The following OSBP variants were observed in gnomAD, a reference collection of about 807,000 sequenced individuals.
The protein encoded by OSBP is oxysterol binding protein.
OSBP carries 32 observed loss-of-function variants against 96.6 expected under a neutral mutation model. The ratio of observed to expected loss-of-function variants is 0.33; its 90% confidence interval spans 0.25 to 0.45. The LOEUF is 0.45. Among genes scored for constraint, OSBP ranks in the 20% least tolerant of loss-of-function variants. OSBP has a pLI of 1.00. For synonymous variants in OSBP, 369 were observed against 389.6 expected (o/e 0.95, Z 0.62); for missense variants, 653 against 1,029.7 (o/e 0.63, Z 5.01).
At chr11:59,590,116 G>A (rs1860559266) in intron 9 of OSBP, among the ~76,000 whole-genome samples, 2 of 152,208 alleles carry the variant, frequency 1.3e-5, no homozygotes, top group South Asian at 4.1e-4. Context: ...TTTATAGGGA[G>A]ACTCACTCAT....
chr11:59,610,960 C>G (rs943351379), intron 1 of OSBP, among the ~76,000 whole-genome samples: 3 of 151,588 alleles, frequency 2.0e-5, no homozygotes, highest in Non-Finnish European at 4.4e-5. Context: ...ATGGTGAAAC[C>G]CTGTTTCTAC....
At chr11:59,600,946 CA>C in intron 5 of OSBP, 73 bp from the exon 6 acceptor site, 1 of 1,311,524 alleles carries the variant, frequency 7.6e-7, no homozygotes, top group South Asian at 1.2e-5. Flanking sequence ...CATTTCTTTA[CA>C]AAGCAGAATG....
chr11:59,600,921 G>A (rs759169976), intron 5 of OSBP, 48 bp from the exon 6 acceptor site: 4 of 1,493,988 alleles, frequency 2.7e-6, no homozygotes, highest in Admixed American at 1.7e-5. Context: ...ACCAGAACTA[G>A]AGTGTGGTCC....
At chr11:59,595,358 C>T (rs1860635752) in intron 7 of OSBP, among the ~76,000 whole-genome samples, 1 of 151,796 alleles carries the variant, frequency 6.6e-6, no homozygotes, top group East Asian at 1.9e-4. Flanking sequence ...TGGTTCTGGC[C>T]TTAAGCAACG....
At chr11:59,600,412 T>C (rs1262560731) in intron 7 of OSBP, 84 bp downstream of exon 7, 16 of 1,401,484 alleles carry the variant, frequency 1.1e-5, no homozygotes, top group Non-Finnish European at 1.5e-5. Context: ...GCCGCACAAG[T>C]GGGTGGGGCT....
chr11:59,593,938 C>A (rs1860617047), intron 8 of OSBP, 72 bp downstream of exon 8: 2 of 1,569,652 alleles, frequency 1.3e-6, no homozygotes, highest in Non-Finnish European at 1.7e-6. Flanking sequence ...AAACATAAGA[C>A]CCAGGGGATT....
At chr11:59,585,771 G>T (rs1860492853) in intron 9 of OSBP, among the ~76,000 whole-genome samples, 1 of 152,284 alleles carries the variant, frequency 6.6e-6, no homozygotes, top group African/African-American at 2.4e-5. Context: ...TGGTTGCCGT[G>T]TCTGTGTAGA....
intron 7 of OSBP, among the ~76,000 whole-genome samples, chr11:59,596,811 G>A (rs7121463): frequency 0.014 from 2,121 of 152,198 alleles, 38 homozygotes; most frequent in Non-Finnish European, 0.016. Context: ...TAGAGGGAGA[G>A]ACTTCCCACG....
At chr11:59,609,558 C>T (rs1263709393) in intron 2 of OSBP, among the ~76,000 whole-genome samples, 2 of 151,112 alleles carry the variant, frequency 1.3e-5, no homozygotes, top group Non-Finnish European at 2.9e-5. Context: ...CAAAATATAA[C>T]TTACTACCAA....
intron 9 of OSBP, among the ~76,000 whole-genome samples, chr11:59,589,722 C>T (rs937439671): frequency 1.2e-4 from 19 of 152,066 alleles, no homozygotes; most frequent in Admixed American, 1.0e-3. Context: ...TGGTGGCTCA[C>T]GCCTGTAATC....
At chr11:59,577,837 C>A (rs1860378040) in intron 12 of OSBP, among the ~76,000 whole-genome samples, 1 of 152,206 alleles carries the variant, frequency 6.6e-6, no homozygotes, top group African/African-American at 2.4e-5. Flanking sequence ...TAGGCACCTT[C>A]CTCCTCTAGC....
chr11:59,615,248 C>A, intron 1 of OSBP, 55 bp downstream of exon 1: 2 of 1,443,258 alleles, frequency 1.4e-6, no homozygotes, highest in South Asian at 2.3e-5. Flanking sequence ...GGAGCTGGGA[C>A]TGTTGGCAGA....
chr11:59,579,599 T>C (rs115860613), intron 11 of OSBP, among the ~76,000 whole-genome samples: 2,338 of 152,056 alleles, frequency 0.015, 29 homozygotes, highest in African/African-American at 0.036. Context: ...GTGTTTCCCA[T>C]TGTCAATCTC....
In OSBP at chr11:59,575,821, AG is replaced by A. The variant is rs1860354965; in HGVS notation, c.*755del. On this transcript the variant is annotated 3_prime_UTR_variant, in exon 14 of 14. Transcript: ENST00000263847. ...TGTGTTCTCAGAAGCTCTCCGCCTG[AG>A]GAAGTCCATAAAACCCCTTTGTGAG... 6.6e-6 allele frequency: 1 copy of A among 152,184 alleles called. No homozygotes were observed. Among genetic ancestry groups the A allele is most frequent in the Non-Finnish European group, 1.5e-5 (1 of 68,042 alleles). 9.4% of individuals were successfully genotyped at this position (152,184 alleles called of 1,614,324 possible). A position where few individuals can be genotyped will look rare whatever the true frequency, so the allele number is the denominator to read the frequency against.
At chr11:59,578,808 G>A (rs1860387984) in intron 11 of OSBP, among the ~76,000 whole-genome samples, 2 of 151,988 alleles carry the variant, frequency 1.3e-5, no homozygotes, top group South Asian at 4.2e-4. Flanking sequence ...CCATGACTTG[G>A]GGATTTCATT....
intron 9 of OSBP, among the ~76,000 whole-genome samples, chr11:59,587,772 A>G (rs966523200): frequency 2.0e-5 from 3 of 152,254 alleles, no homozygotes; most frequent in African/African-American, 7.2e-5. Flanking sequence ...AGTTTGCTCA[A>G]AAAACTAAGA....
At chr11:59,610,917 T>A (rs184294311) in intron 1 of OSBP, among the ~76,000 whole-genome samples, 42 of 151,684 alleles carry the variant, frequency 2.8e-4, no homozygotes, top group Admixed American at 5.3e-4. Context: ...GCAGATCACC[T>A]GAGGTCAGGA....
At chr11:59,580,145 G>A (rs1860403997) in intron 11 of OSBP, 29 bp downstream of exon 11, 2 of 1,435,900 alleles carry the variant, frequency 1.4e-6, no homozygotes, top group South Asian at 2.3e-5. Context: ...CATGCTACGT[G>A]AAACAATTTA....
At chr11:59,608,761 T>G in intron 2 of OSBP, 27 bp from the exon 3 acceptor site, 1 of 1,612,616 alleles carries the variant, frequency 6.2e-7, no homozygotes, top group Non-Finnish European at 8.5e-7. Flanking sequence ...AAAGGTTATA[T>G]GATTCCAGAA....
Sources: gnomAD v4.1 joint callset for allele counts (sites outside exome capture counted in the v4.1 genomes callset) on GRCh38, gnomAD v4.1.1 for gene constraint, MANE v1.5 for transcripts, NCBI Gene and HGNC (gene_info 2026-07-23, HGNC 2026-07-21) for gene names.